SHOX: variants seen among roughly 807,000 people sequenced by gnomAD.
The protein encoded by SHOX is SHOX homeobox.
Under a neutral mutation model 29.6 loss-of-function variants are expected in SHOX, and 12 were observed. The ratio of observed to expected loss-of-function variants is 0.41; its 90% CI spans 0.26 to 0.66. The LOEUF is 0.66. SHOX is among the 30% of genes least tolerant of loss of function. The probability of loss-of-function intolerance (pLI) is 0.35; values close to 1 mark genes in which losing one functional copy is unlikely to be tolerated. For missense variants in SHOX, 499 were observed against 437.7 expected, an observed-to-expected ratio of 1.14 and a Z score of -1.25; for synonymous variants, 214 against 200.6, an observed-to-expected ratio of 1.07 and a Z score of -0.57.
At chrX:656,340 G>A (rs1256912417), downstream of SHOX, among the ~76,000 whole-genome samples, 1 of 152,124 alleles carries the variant, frequency 6.6e-6, no homozygotes, top group African/African-American at 2.4e-5. Context: ...ACTCTGGGAG[G>A]CTGAGGCAGA....
At chrX:655,610 CTCTCTATATATATATATATATA>C (rs1373673490), downstream of SHOX, among the ~76,000 whole-genome samples, 661 of 18,906 alleles carry the variant, frequency 0.035, no homozygotes, top group African/African-American at 0.049. Context: ...CTCTCTCTCT[CTCTCTATATATATATATATATA>C]TATATATATA....
Position 636,711 on chromosome X carries a change from CAT to C in SHOX, c.486+1893_486+1894del, listed in dbSNP as rs775762538. ...TATATACATAAAATATATATATAAA[CAT>C]ATATATACATAAAATATATATATAA... is the stretch of plus-strand genomic sequence containing the variant. On this transcript the variant is annotated intron_variant, in intron 2 of 4. Coordinates refer to ENST00000686671, the MANE Select transcript of SHOX (RefSeq NM_000451.4). 1.4e-3 allele frequency among the ~76,000 whole-genome samples: 15 copies of C among 10,578 alleles called. 6 individuals are homozygous for C. The highest frequency in any genetic ancestry group is 0.013 in the African/African-American group (13 of 1,000). 6.9% of individuals were successfully genotyped at this position (10,578 alleles called of 152,430 possible).
chrX:657,316 C>CA (rs1390515348), intron 5 of SHOX, among the ~76,000 whole-genome samples: 3 of 152,218 alleles, frequency 2.0e-5, no homozygotes, highest in Non-Finnish European at 4.4e-5. Flanking sequence ...GATTTACTCA[C>CA]TGATGCCTGT....
chrX:650,813 A>AAC lies in SHOX; in HGVS notation c.*6178_*6179insCA, dbSNP rs1272675471. Among the ~76,000 whole-genome samples, 4 of 149,486 alleles carry AAC rather than the reference A, an allele frequency of 2.7e-5. No homozygotes were observed. The highest frequency in any genetic ancestry group is 9.8e-5 in the African/African-American group (4 of 41,010). ...ACATTAAAAAAAAAAAAAAAAAAAA[A>AAC]AAAAAACTGGTGCCTAATTTATTAA... On this transcript the variant is annotated 3_prime_UTR_variant, in exon 5 of 5. Transcript: ENST00000686671.
rs777550538 is a variant in SHOX at position 631,054 on chromosome X, G to C, written c.157G>C (p.Asp53His). 1.2e-6 allele frequency: 2 copies of C among 1,613,836 alleles called. No homozygotes were observed. Among genetic ancestry groups the C allele is most frequent in the Non-Finnish European group, 1.7e-6 (2 of 1,179,868 alleles). Residue 53 changes from aspartate to histidine, a missense_variant, in exon 1 of 5, where the codon GAT (aspartate) becomes CAT (histidine). Coordinates refer to ENST00000686671, the MANE Select transcript of SHOX (RefSeq NM_000451.4). ...GCGCTCCCGGGAGCTGGGGACGTCG[G>C]ATTCCAGCCTCCAGGACATCACGGA... ...LARSRELGTS[D>H]SSLQDITEGG...
intron 2 of SHOX, among the ~76,000 whole-genome samples, chrX:635,141 G>A (rs1008622834): frequency 6.6e-6 from 1 of 152,086 alleles, no homozygotes; most frequent in Admixed American, 6.6e-5. Flanking sequence ...CGTCCTTGGT[G>A]CAAAGACACC....
At chrX:633,442 C>G (rs2052683518) in intron 1 of SHOX, among the ~76,000 whole-genome samples, 1 of 151,408 alleles carries the variant, frequency 6.6e-6, no homozygotes, top group African/African-American at 2.4e-5. Context: ...AATGTGAAAT[C>G]CACGTTGGAG....
At chrX:642,129 TG>T (rs1188134754) in intron 4 of SHOX, among the ~76,000 whole-genome samples, 1 of 152,034 alleles carries the variant, frequency 6.6e-6, no homozygotes, top group Non-Finnish European at 1.5e-5. Context: ...GGGGATGGGA[TG>T]GGGGGAAGCG....
At position 644,458 on chromosome X, in the gene SHOX, C is replaced by T. The variant is rs1239977542; in HGVS notation, c.701C>T (p.Ala234Val). ...CCGCACCTGCACCCGCACCTGGCGG[C>T]GCACGCGCCCTACCTGATGTTCCCC... is the stretch of plus-strand genomic sequence containing the variant. Reference protein sequence around the residue: ...AHPHLHPHLAAHAPYLMFPPP... With the variant: ...AHPHLHPHLAVHAPYLMFPPP... Residue 234 changes from alanine (A) to valine (V), a missense_variant, in exon 5 of 5, where the codon GCG (alanine) becomes GTG (valine). Physicochemically the swap from Ala to Val is moderately conservative, Grantham distance 64. Transcript: ENST00000686671. The T allele has an allele frequency of 1.3e-6, 2 of 1,522,658 alleles. No homozygotes were observed. The highest frequency in any genetic ancestry group is 2.4e-5 in the South Asian group (2 of 82,250). 94.3% of individuals were successfully genotyped at this position (1,522,658 alleles called of 1,614,324 possible).
At chrX:653,637 T>G (rs899742702), downstream of SHOX, among the ~76,000 whole-genome samples, 17 of 151,482 alleles carry the variant, frequency 1.1e-4, no homozygotes, top group Non-Finnish European at 2.4e-4. Flanking sequence ...AAAAAAAAAT[T>G]AACTTTTTCA....
downstream of SHOX, among the ~76,000 whole-genome samples, chrX:653,735 C>T (rs1157988295): frequency 6.6e-6 from 1 of 152,132 alleles, no homozygotes; most frequent in Non-Finnish European, 1.5e-5. Context: ...AAATTACACA[C>T]AAAAAGCCAC....
intron 1 of SHOX, among the ~76,000 whole-genome samples, chrX:625,256 C>T (rs1161087059): frequency 2.1e-5 from 3 of 139,870 alleles, no homozygotes; most frequent in East Asian, 2.3e-4. Context: ...ACTCCTTTTC[C>T]TCCTCTTCCC....
chrX:624,865 T>TCTTTCTTTC (rs1195432141), intron 1 of SHOX, among the ~76,000 whole-genome samples: 3,212 of 84,182 alleles, frequency 0.038, 93 homozygotes, highest in Non-Finnish European at 0.05. Context: ...TTCTTTCTTT[T>TCTTTCTTTC]CTTTCTTTCT....
chrX:634,808 C>A lies in SHOX; in HGVS notation c.468C>A (p.Leu156=). Reference sequence around the variant, plus strand: ...AGGAGCTCAGCCAGCGCCTGGGGCTCTCCGAGGCGCGCGTGCAGGTAGGAA... The same window carrying A: ...AGGAGCTCAGCCAGCGCCTGGGGCTATCCGAGGCGCGCGTGCAGGTAGGAA... The part of the protein sequence containing the change: ...MREELSQRLG[L]SEARVQVWFQ... Residue 156 remains leucine (L), a synonymous_variant, in exon 2 of 5, where the codon CTC becomes CTA. Coordinates refer to ENST00000686671, the MANE Select transcript of SHOX (RefSeq NM_000451.4). 6.3e-7 allele frequency: 1 copy of A among 1,577,974 alleles called. No individual in the cohort carries two copies. Among genetic ancestry groups the A allele is most frequent in the Non-Finnish European group, 8.6e-7 (1 of 1,162,180 alleles).
chrX:640,694 A>C, intron 2 of SHOX, 127 bp from the exon 3 acceptor site: 1 of 994,148 alleles, frequency 1.0e-6, no homozygotes, highest in Non-Finnish European at 1.6e-6. Flanking sequence ...CTGGGCGCCC[A>C]CCATCAGTCA....
chrX:652,078 CCG>C, downstream of SHOX, among the ~76,000 whole-genome samples: 1 of 152,040 alleles, frequency 6.6e-6, no homozygotes, highest in Non-Finnish European at 1.5e-5. Context: ...ACCTGCACCA[CCG>C]CGCCCGGCTC....
At chrX:634,523 AG>A in intron 1 of SHOX, 94 bp from the exon 2 acceptor site, 1 of 1,351,098 alleles carries the variant, frequency 7.4e-7, no homozygotes, top group Non-Finnish European at 1.0e-6. Flanking sequence ...TTGGTTTTCG[AG>A]GGCCCCCTTT....
At position 649,262 on chromosome X, in the gene SHOX, C is replaced by T. The variant is rs1023627136; in HGVS notation, c.*4626C>T. On this transcript the variant is annotated 3_prime_UTR_variant, in exon 5 of 5. Coordinates refer to ENST00000686671, the MANE Select transcript of SHOX (RefSeq NM_000451.4). ...CCATGTTGGCCAGGCTGGTCTTGAA[C>T]TCCTGACCTCACATGATCCACCCGC... Among the ~76,000 whole-genome samples the T allele has an allele frequency of 2.0e-5, 3 of 152,062 alleles. No homozygotes were observed. The highest frequency in any genetic ancestry group is 7.2e-5 in the African/African-American group (3 of 41,422).
Position 640,897 on chromosome X carries a change from G to A in SHOX, c.544+19G>A. 2 of 1,613,886 alleles carry A rather than the reference G, an allele frequency of 1.2e-6. No individual in the cohort carries two copies. The highest frequency in any genetic ancestry group is 8.5e-7 in the Non-Finnish European group (1 of 1,179,838). On this transcript the variant is annotated intron_variant, in intron 3 of 4. Transcript: ENST00000686671. Reference sequence around the variant, plus strand: ...CATAAAGGTGGGTGTCGGGACTGGGGGGACCTGAAGCTGGGGGATCCTGCT... The same window carrying A: ...CATAAAGGTGGGTGTCGGGACTGGGAGGACCTGAAGCTGGGGGATCCTGCT...
Sources: allele counts gnomAD v4.1 joint callset (sites outside exome capture counted in the v4.1 genomes callset), GRCh38; gene constraint gnomAD v4.1.1; transcripts MANE v1.5; gene names NCBI Gene and HGNC (gene_info 2026-07-23, HGNC 2026-07-21).